The following SLC25A48 variants were observed in gnomAD, a reference collection of about 807,000 sequenced individuals.
SLC25A48 encodes the protein solute carrier family 25 member 48.
SLC25A48 carries 29 observed loss-of-function variants against 32.2 expected under a neutral mutation model. The observed-to-expected ratio is 0.90, with a 90% CI of 0.67 to 1.23. The LOEUF (loss-of-function observed/expected upper bound fraction) is 1.23, where lower values mean the gene tolerates loss of function less well. Ranked by LOEUF, SLC25A48 falls within the 50% of genes most tolerant of loss-of-function variation. SLC25A48 has a pLI of 0.00. For missense variants in SLC25A48, 399 were observed against 422.7 expected (o/e 0.94, Z 0.49); for synonymous variants, 164 against 172.3 (o/e 0.95, Z 0.38).
intron 7 of SLC25A48, among the ~76,000 whole-genome samples, chr5:135,881,951 G>T (rs1364678439): frequency 1.3e-5 from 2 of 152,210 alleles, no homozygotes; most frequent in Non-Finnish European, 2.9e-5. Flanking sequence ...CCAGATCCCA[G>T]AGTGGCTGGA....
At chr5:135,658,389 G>A (rs977477182) in intron 3 of SLC25A48, among the ~76,000 whole-genome samples, 2 of 152,204 alleles carry the variant, frequency 1.3e-5, no homozygotes, top group Admixed American at 6.5e-5. Flanking sequence ...GATGCTAAGG[G>A]TGGGCTCCCA....
At chr5:135,843,494 A>AT (rs1194369992) in intron 2 of SLC25A48, among the ~76,000 whole-genome samples, 1 of 152,196 alleles carries the variant, frequency 6.6e-6, no homozygotes, top group African/African-American at 2.4e-5. Context: ...ATGGACAATA[A>AT]TTAGGGAACA....
upstream of SLC25A48, among the ~76,000 whole-genome samples, chr5:135,829,990 G>T (rs1758161271): frequency 6.8e-6 from 1 of 148,050 alleles, no homozygotes; most frequent in Non-Finnish European, 1.5e-5. Context: ...GACATTCAAG[G>T]CTTCGATAGA....
intron 3 of SLC25A48, among the ~76,000 whole-genome samples, chr5:135,787,086 A>G (rs34798164): frequency 0.25 from 37,508 of 151,958 alleles, 5,040 homozygotes; most frequent in East Asian, 0.44. Context: ...TATTATTCGT[A>G]GAATCCTAGG....
At chr5:135,597,941 T>TTGCAGTGAGCTGAGAC (rs1751694224) in intron 1 of SLC25A48, among the ~76,000 whole-genome samples, 1 of 152,040 alleles carries the variant, frequency 6.6e-6, no homozygotes, top group Non-Finnish European at 1.5e-5. Context: ...GAGACGGAAG[T>TTGCAGTGAGCTGAGAC]TGCAGTGAGC....
At chr5:135,773,091 C>T (rs976246236) in intron 3 of SLC25A48, among the ~76,000 whole-genome samples, 1 of 151,174 alleles carries the variant, frequency 6.6e-6, no homozygotes, top group Non-Finnish European at 1.5e-5. Flanking sequence ...ATATTACTCT[C>T]AATATCGCAG....
intron 3 of SLC25A48, among the ~76,000 whole-genome samples, chr5:135,772,843 G>GA (rs1756449023): frequency 6.6e-6 from 1 of 151,188 alleles, no homozygotes; most frequent in Non-Finnish European, 1.5e-5. Context: ...GAATAACGAA[G>GA]AAAAAAGAGG....
At chr5:135,867,876 G>A (rs1431303049) in intron 4 of SLC25A48, among the ~76,000 whole-genome samples, 1 of 152,192 alleles carries the variant, frequency 6.6e-6, no homozygotes, top group Non-Finnish European at 1.5e-5. Flanking sequence ...GGACTTGTAA[G>A]TTACAACCAC....
In SLC25A48 at chr5:135,875,761, T is replaced by C. The variant is rs1761984560; in HGVS notation, c.813+1607T>C. 3 of 152,258 alleles carry C rather than the reference T, an allele frequency of 2.0e-5. No individual in the cohort carries two copies. The South Asian group carries it at 6.2e-4, about 32-fold the overall frequency. 9.4% of individuals were successfully genotyped at this position (152,258 alleles called of 1,614,324 possible). A position where few individuals can be genotyped will look rare whatever the true frequency, so the allele number is the denominator to read the frequency against. ...CGAACAGTGAGACCTGTCCTAAGGT[T>C]GCATTAATAGAAGTACAGTGGGTAG... On this transcript the variant is annotated intron_variant, in intron 6 of 7. Coordinates refer to ENST00000681962, the MANE Select transcript of SLC25A48 (RefSeq NM_001349336.2).
intron 3 of SLC25A48, among the ~76,000 whole-genome samples, chr5:135,808,510 T>TA (rs1757521395): frequency 1.3e-5 from 2 of 152,130 alleles, no homozygotes; most frequent in South Asian, 2.1e-4. Context: ...ATTTAGTGCT[T>TA]AAAAAAATAC....
chr5:135,680,173 C>T (rs1391280550), intron 3 of SLC25A48, among the ~76,000 whole-genome samples: 1 of 152,198 alleles, frequency 6.6e-6, no homozygotes, highest in Admixed American at 6.5e-5. Context: ...GTGTGATTAT[C>T]TACTAACTAT....
At chr5:135,754,394 G>A (rs11950793) in intron 3 of SLC25A48, among the ~76,000 whole-genome samples, 115,876 of 151,930 alleles carry the variant, frequency 0.76, 44,761 homozygotes, top group Middle Eastern at 0.87. Flanking sequence ...TATCCCTCTG[G>A]TATTTATCAT....
intron 4 of SLC25A48, among the ~76,000 whole-genome samples, chr5:135,820,451 G>C (rs1757855479): frequency 6.6e-6 from 1 of 152,180 alleles, no homozygotes; most frequent in African/African-American, 2.4e-5. Flanking sequence ...TTAATTCAGA[G>C]GTTGTTATTT....
chr5:135,794,156 T>C (rs1469372906), intron 3 of SLC25A48, among the ~76,000 whole-genome samples: 1 of 151,858 alleles, frequency 6.6e-6, no homozygotes, highest in Non-Finnish European at 1.5e-5. Context: ...AGATTGTTCC[T>C]AATATCCATG....
At chr5:135,706,675 C>T (rs890908532) in intron 3 of SLC25A48, among the ~76,000 whole-genome samples, 1 of 152,094 alleles carries the variant, frequency 6.6e-6, no homozygotes, top group Non-Finnish European at 1.5e-5. Flanking sequence ...GAAGCTACCA[C>T]CAAGATGCAG....
intron 3 of SLC25A48, among the ~76,000 whole-genome samples, chr5:135,680,578 G>A (rs1753871947): frequency 6.6e-6 from 1 of 152,196 alleles, no homozygotes; most frequent in South Asian, 2.1e-4. Flanking sequence ...CACAATCATG[G>A]TGGAAGGCAA....
chr5:135,732,598 G>T (rs1755253519), intron 3 of SLC25A48, among the ~76,000 whole-genome samples: 1 of 152,198 alleles, frequency 6.6e-6, no homozygotes, highest in Admixed American at 6.5e-5. Context: ...TTTCCTTAAG[G>T]ATAGATTTCC....
chr5:135,845,188 C>T (rs530015691), intron 2 of SLC25A48, among the ~76,000 whole-genome samples: 19 of 152,382 alleles, frequency 1.2e-4, no homozygotes, highest in African/African-American at 4.3e-4. Context: ...GTGCCTGCTG[C>T]AGTGCTCGGC....
At chr5:135,858,559 G>A (rs191819750) in intron 4 of SLC25A48, among the ~76,000 whole-genome samples, 1 of 152,294 alleles carries the variant, frequency 6.6e-6, no homozygotes, top group East Asian at 1.9e-4. Context: ...CAATTCCTGG[G>A]GATTTACTAT....
Sources: allele counts gnomAD v4.1 joint callset (sites outside exome capture counted in the v4.1 genomes callset), GRCh38; gene constraint gnomAD v4.1.1; transcripts MANE v1.5; gene names NCBI Gene and HGNC (gene_info 2026-07-23, HGNC 2026-07-21).